TRIB2: variants seen among roughly 807,000 people sequenced by gnomAD.
TRIB2 encodes the protein tribbles pseudokinase 2.
In TRIB2, 2 loss-of-function variants were observed where a neutral mutation model predicts 26.8. That is an observed-to-expected ratio of 0.07 (90% CI 0.03 to 0.24). The LOEUF (loss-of-function observed/expected upper bound fraction) is 0.24, where lower values mean the gene tolerates loss of function less well. Ranked by LOEUF, TRIB2 falls within the 10% of genes least tolerant of loss-of-function variation. The probability of loss-of-function intolerance (pLI) is 1.00; values close to 1 mark genes in which losing one functional copy is unlikely to be tolerated. For synonymous variants in TRIB2, 189 were observed against 187.3 expected (o/e 1.01, Z -0.08); for missense variants, 306 against 449.0 (o/e 0.68, Z 2.88).
chr2:12,737,025 C>T (rs1572485334), intron 2 of TRIB2, among the ~76,000 whole-genome samples: 1 of 152,244 alleles, frequency 6.6e-6, no homozygotes, highest in South Asian at 2.1e-4. Context: ...TGGGGCCAAG[C>T]TGGGCATGTG....
chr2:12,723,836 C>T (rs1431495288), intron 2 of TRIB2, among the ~76,000 whole-genome samples: 2 of 152,192 alleles, frequency 1.3e-5, no homozygotes, highest in African/African-American at 4.8e-5. Flanking sequence ...AAGGTGGCTG[C>T]AAACCTCTTT....
At chr2:12,726,090 T>A (rs1031245209) in intron 2 of TRIB2, among the ~76,000 whole-genome samples, 1 of 152,248 alleles carries the variant, frequency 6.6e-6, no homozygotes, top group East Asian at 1.9e-4. Flanking sequence ...CCCAGTGGGC[T>A]TGCTTTTCAG....
rs565310654 is a variant in TRIB2, at chr2:12,740,798, C to T, written c.*4C>T. On this transcript the variant is annotated 3_prime_UTR_variant, in exon 3 of 3. Coordinates refer to ENST00000155926, the MANE Select transcript of TRIB2 (RefSeq NM_021643.4). The surrounding 1 kb of genome is among the most constrained non-coding windows in gnomAD (Gnocchi z 5.8). Reference sequence around the variant, plus strand: ...CTTGGACCCTTTCTTTAACTGAGCTCATGCCCCACGGAGACTTAGCAGGTT... The same window carrying T: ...CTTGGACCCTTTCTTTAACTGAGCTTATGCCCCACGGAGACTTAGCAGGTT... 1 of 1,611,320 alleles carries T rather than the reference C, an allele frequency of 6.2e-7. No homozygotes were observed. Among genetic ancestry groups the T allele is most frequent in the South Asian group, 1.1e-5 (1 of 90,766 alleles).
intron 2 of TRIB2, among the ~76,000 whole-genome samples, chr2:12,731,691 C>T (rs768413748): frequency 6.6e-6 from 1 of 152,216 alleles, no homozygotes. Flanking sequence ...TACGTGCCTA[C>T]GCGCACATCT....
intron 2 of TRIB2, among the ~76,000 whole-genome samples, chr2:12,728,943 T>A (rs959777986): frequency 2.0e-5 from 3 of 152,204 alleles, no homozygotes; most frequent in African/African-American, 7.2e-5. Flanking sequence ...AGGGCAGGCA[T>A]GGAAACCCTG....
chr2:12,723,800 T>C (rs113188919), intron 2 of TRIB2, among the ~76,000 whole-genome samples: 2,010 of 152,326 alleles, frequency 0.013, 49 homozygotes, highest in African/African-American at 0.047. Flanking sequence ...CCAATGAATA[T>C]GTATGATTAG....
intron 2 of TRIB2, among the ~76,000 whole-genome samples, chr2:12,733,474 G>T (rs930932360): frequency 1.3e-5 from 2 of 152,290 alleles, no homozygotes; most frequent in South Asian, 4.1e-4. Context: ...AGCTCAGCTT[G>T]TTCAGTTTCT....
intron 2 of TRIB2, 29 bp downstream of exon 2, chr2:12,723,581 A>G (rs1189495529): frequency 6.3e-7 from 1 of 1,593,588 alleles, no homozygotes; most frequent in Non-Finnish European, 8.6e-7. Flanking sequence ...AGACCTGGGT[A>G]CTGTGATGGA....
At chr2:12,723,588 T>C (rs113431291) in intron 2 of TRIB2, 36 bp downstream of exon 2, 11 of 1,588,360 alleles carry the variant, frequency 6.9e-6, no homozygotes, top group African/African-American at 4.0e-5. Flanking sequence ...GGTACTGTGA[T>C]GGACTGCTCC....
At chr2:12,721,751 C>T (rs1347657656) in intron 1 of TRIB2, among the ~76,000 whole-genome samples, 1 of 152,214 alleles carries the variant, frequency 6.6e-6, no homozygotes. Context: ...AACTTTGCTT[C>T]CTTGGCCGTG....
chr2:12,735,433 C>A (rs542714475), intron 2 of TRIB2, among the ~76,000 whole-genome samples: 2 of 152,134 alleles, frequency 1.3e-5, no homozygotes, highest in African/African-American at 2.4e-5. Context: ...ACTGAGCAAC[C>A]CTGGTGTGGT....
In TRIB2 at chr2:12,717,950, G is replaced by T; in HGVS notation, c.-358G>T. The T allele has an allele frequency of 3.9e-6, 1 of 257,802 alleles. No individual in the cohort carries two copies. Among genetic ancestry groups the T allele is most frequent in the East Asian group, 7.4e-5 (1 of 13,436 alleles). 16.0% of individuals were successfully genotyped at this position (257,802 alleles called of 1,614,324 possible). ...CCTGGGGGTCGCGTCGGGAGCCCTG[G>T]CGCTGCAGCTCCGCACCTTAGCAGC... On this transcript the variant is annotated 5_prime_UTR_variant, in exon 1 of 3. Coordinates refer to ENST00000155926, the MANE Select transcript of TRIB2 (RefSeq NM_021643.4). This position sits in a 1 kb window ranked among gnomAD's most constrained non-coding sequence, Gnocchi z 4.8.
At chr2:12,736,685 G>A (rs760125085) in intron 2 of TRIB2, among the ~76,000 whole-genome samples, 8 of 152,114 alleles carry the variant, frequency 5.3e-5, no homozygotes, top group Non-Finnish European at 1.0e-4. Flanking sequence ...CCAGGTACTC[G>A]TCTAGGTACT....
At chr2:12,737,630 C>T (rs933213078) in intron 2 of TRIB2, among the ~76,000 whole-genome samples, 8 of 152,162 alleles carry the variant, frequency 5.3e-5, no homozygotes, top group African/African-American at 1.2e-4. Context: ...TAGCTATAGG[C>T]GCAGAAGACT....
At position 12,718,571 on chromosome 2, in the gene TRIB2, G is replaced by T; in HGVS notation, c.264G>T (p.Val88=). 1 of 1,613,050 alleles carries T rather than the reference G, an allele frequency of 6.2e-7. No individual in the cohort carries two copies. The highest frequency in any genetic ancestry group is 8.5e-7 in the Non-Finnish European group (1 of 1,178,994). ...ATCTGCACAGCGGAGAGGAGCTGGTGTGCAAGGTAAAGGGCCAGTGGGTTG... is the reference window on the plus strand; with the variant it reads ...ATCTGCACAGCGGAGAGGAGCTGGTTTGCAAGGTAAAGGGCCAGTGGGTTG... ...AVHLHSGEEL[V]CKVFDISCYQ... Residue 88 remains valine (V), a synonymous_variant, in exon 1 of 3, where the codon GTG becomes GTT. Coordinates refer to ENST00000155926, the MANE Select transcript of TRIB2 (RefSeq NM_021643.4). The surrounding 1 kb of genome is among the most constrained non-coding windows in gnomAD (Gnocchi z 4.0).
intron 2 of TRIB2, among the ~76,000 whole-genome samples, chr2:12,725,331 A>C (rs1190017879): frequency 6.6e-6 from 1 of 152,256 alleles, no homozygotes; most frequent in Non-Finnish European, 1.5e-5. Context: ...GGAGGTCCCC[A>C]AGTCATAGAA....
intron 2 of TRIB2, among the ~76,000 whole-genome samples, chr2:12,736,009 T>C (rs987817162): frequency 6.6e-6 from 1 of 151,974 alleles, no homozygotes; most frequent in African/African-American, 2.4e-5. Context: ...AACTCCAGCT[T>C]GGGGGAAGGC....
chr2:12,718,197 C>G lies in TRIB2; in HGVS notation c.-111C>G. On this transcript the variant is annotated 5_prime_UTR_variant, in exon 1 of 3. Transcript: ENST00000155926. This position sits in a 1 kb window ranked among gnomAD's most constrained non-coding sequence, Gnocchi z 4.0. ...CGCAGCCCCTCTTCTGTCCCCTCCCCTCTCGCTCCCTTTTAAAATCAGTGG... is the reference window on the plus strand; with the variant it reads ...CGCAGCCCCTCTTCTGTCCCCTCCCGTCTCGCTCCCTTTTAAAATCAGTGG... 1 of 1,402,482 alleles carries G rather than the reference C, an allele frequency of 7.1e-7. No homozygotes were observed. Among genetic ancestry groups the G allele is most frequent in the Non-Finnish European group, 9.5e-7 (1 of 1,049,396 alleles). The allele number at this position is 1,402,482 out of a possible 1,614,324, so 86.9% of individuals were successfully genotyped here. A position where few individuals can be genotyped will look rare whatever the true frequency, so the allele number is the denominator to read the frequency against.
In TRIB2 at chr2:12,716,984, C is replaced by A. The variant is rs1227876729; in HGVS notation, c.-1324C>A. On this transcript the variant is annotated 5_prime_UTR_variant, in exon 1 of 3. Transcript: ENST00000155926. ...GCGCGCGCACACGCGCACTCACGGC[C>A]CCGCTCGCTCCGAGATCCCCGGCCA... 6.3e-6 allele frequency: 1 copy of A among 159,716 alleles called. No homozygotes were observed. Among genetic ancestry groups the A allele is most frequent in the Admixed American group, 6.5e-5 (1 of 15,452 alleles). The allele number at this position is 159,716 out of a possible 1,614,324, so 9.9% of individuals were successfully genotyped here. A position where few individuals can be genotyped will look rare whatever the true frequency, so the allele number is the denominator to read the frequency against.
Sources: gnomAD v4.1 joint callset for allele counts (sites outside exome capture counted in the v4.1 genomes callset) on GRCh38, gnomAD v4.1.1 for gene constraint, Gnocchi (gnomAD v3.1) non-coding constraint, MANE v1.5 for transcripts, NCBI Gene and HGNC (gene_info 2026-07-23, HGNC 2026-07-21) for gene names.